MEIS2: variants seen among roughly 807,000 people sequenced by gnomAD.
The protein encoded by MEIS2 is Meis homeobox 2.
In MEIS2, 9 loss-of-function variants were observed where a neutral mutation model predicts 58.6. That is an observed-to-expected ratio of 0.15 (90% confidence interval 0.09 to 0.27). The LOEUF (loss-of-function observed/expected upper bound fraction) is 0.27. Ranked by LOEUF, MEIS2 falls within the 10% of genes least tolerant of loss-of-function variation. The probability of loss-of-function intolerance (pLI) is 1.00; values close to 1 mark genes in which losing one functional copy is unlikely to be tolerated. For missense variants in MEIS2, 427 were observed against 635.0 expected (o/e 0.67, Z 3.52); for synonymous variants, 221 against 228.4 (o/e 0.97, Z 0.29).
At chr15:37,029,444 T>A (rs2061828527) in intron 8 of MEIS2, among the ~76,000 whole-genome samples, 1 of 152,168 alleles carries the variant, frequency 6.6e-6, no homozygotes, top group Non-Finnish European at 1.5e-5. Context: ...CAGAAATAAC[T>A]AATGTCCATG....
intron 6 of MEIS2, among the ~76,000 whole-genome samples, chr15:37,089,092 C>T (rs1893224246): frequency 6.7e-6 from 1 of 148,842 alleles, no homozygotes; most frequent in Non-Finnish European, 1.5e-5. Context: ...CACGCAGCAG[C>T]AACACAACAG....
At chr15:36,963,114 C>T (rs957328680) in intron 8 of MEIS2, among the ~76,000 whole-genome samples, 3 of 152,118 alleles carry the variant, frequency 2.0e-5, no homozygotes, top group Non-Finnish European at 4.4e-5. Flanking sequence ...GTGGCTCACG[C>T]CTGTAATCCC....
Position 37,100,518 on chromosome 15 carries a change from G to C in MEIS2, c.-1052C>G. 1 of 145,046 alleles carries C rather than the reference G, an allele frequency of 6.9e-6. No individual in the cohort carries two copies. Among genetic ancestry groups the C allele is most frequent in the Non-Finnish European group, 1.5e-5 (1 of 65,878 alleles). The allele number at this position is 145,046 out of a possible 1,614,324, so 9.0% of individuals were successfully genotyped here. A position where few individuals can be genotyped will look rare whatever the true frequency, so the allele number is the denominator to read the frequency against. The stretch of plus-strand genomic sequence containing the variant: ...GGGGAGCGGGAGCGAGGAGGAGCGC[G>C]CCGCGCCGAGCCTCTGATATGCAAC... On this transcript the variant is annotated 5_prime_UTR_variant, in exon 1 of 12. Transcript: ENST00000561208.
chr15:37,009,157 C>T (rs569078475), intron 8 of MEIS2, among the ~76,000 whole-genome samples: 10 of 152,188 alleles, frequency 6.6e-5, no homozygotes, highest in South Asian at 2.1e-4. Flanking sequence ...GGCGTGGTGG[C>T]GGGCGCCTAT....
At chr15:37,093,908 G>A in intron 5 of MEIS2, 178 bp from the exon 6 acceptor site, 1 of 701,400 alleles carries the variant, frequency 1.4e-6, no homozygotes, top group Non-Finnish European at 2.4e-6. Context: ...GGAAACAATA[G>A]AGTAATTGTT....
intron 8 of MEIS2, among the ~76,000 whole-genome samples, chr15:36,995,706 T>TAAAAAAAAAAAAAAAAA (rs71821151): frequency 7.3e-4 from 3 of 4,122 alleles, no homozygotes; most frequent in African/African-American, 1.1e-3. Flanking sequence ...TTACAGCTAC[T>TAAAAAAAAAAAAAAAAA]AAAAAAAAAA....
intron 8 of MEIS2, among the ~76,000 whole-genome samples, chr15:37,007,994 G>A (rs1357066655): frequency 2.6e-5 from 4 of 152,140 alleles, no homozygotes; most frequent in East Asian, 1.9e-4. Context: ...AGGCTGAAAC[G>A]TCTGCTATCA....
chr15:36,958,649 A>G (rs1464105478), intron 8 of MEIS2, among the ~76,000 whole-genome samples: 1 of 152,238 alleles, frequency 6.6e-6, no homozygotes, highest in Non-Finnish European at 1.5e-5. Flanking sequence ...GAGACTTTAA[A>G]GCTGAGCACA....
At chr15:36,897,909 A>T (rs146095383) in intron 9 of MEIS2, 57 of 152,376 alleles carry the variant, frequency 3.7e-4, no homozygotes, top group African/African-American at 1.3e-3. Context: ...GTGTGCTGGC[A>T]GCTCTGTGTT....
At chr15:36,949,304 A>G (rs1466108694) in intron 9 of MEIS2, among the ~76,000 whole-genome samples, 1 of 151,992 alleles carries the variant, frequency 6.6e-6, no homozygotes, top group Non-Finnish European at 1.5e-5. Flanking sequence ...GAATCACAGA[A>G]CCACAAAATC....
At chr15:36,958,907 A>G (rs928637616) in intron 8 of MEIS2, among the ~76,000 whole-genome samples, 1 of 152,186 alleles carries the variant, frequency 6.6e-6, no homozygotes, top group African/African-American at 2.4e-5. Flanking sequence ...CTACGGCCAG[A>G]CTACTTTTCC....
intron 7 of MEIS2, among the ~76,000 whole-genome samples, chr15:37,068,402 T>C (rs1030255979): frequency 6.6e-6 from 1 of 152,212 alleles, no homozygotes; most frequent in Non-Finnish European, 1.5e-5. Flanking sequence ...CAACAAATTT[T>C]GGGAGTGCTA....
intron 8 of MEIS2, among the ~76,000 whole-genome samples, chr15:36,976,527 T>C (rs1486348538): frequency 6.7e-6 from 1 of 149,454 alleles, no homozygotes; most frequent in African/African-American, 2.4e-5. Flanking sequence ...TACTTATACA[T>C]ATATATCATT....
At chr15:37,036,578 C>T (rs1247587113) in intron 8 of MEIS2, 10 of 409,396 alleles carry the variant, frequency 2.4e-5, no homozygotes, top group Non-Finnish European at 3.9e-5. Context: ...GGTCTTAGAT[C>T]ATTTTAAATA....
chr15:36,952,774 A>G (rs2058808583), intron 8 of MEIS2, among the ~76,000 whole-genome samples: 1 of 152,116 alleles, frequency 6.6e-6, no homozygotes, highest in African/African-American at 2.4e-5. Context: ...TAAATTTTGT[A>G]AATTCTGATT....
At chr15:37,052,399 C>G (rs1471957027) in intron 7 of MEIS2, among the ~76,000 whole-genome samples, 2 of 152,186 alleles carry the variant, frequency 1.3e-5, no homozygotes, top group South Asian at 2.1e-4. Flanking sequence ...GGTTAAGAAA[C>G]TCGCCTAAAG....
intron 9 of MEIS2, among the ~76,000 whole-genome samples, chr15:36,924,865 G>A (rs16954358): frequency 0.069 from 10,489 of 152,284 alleles, 526 homozygotes; most frequent in African/African-American, 0.14. Context: ...TGCAAACGGA[G>A]ATACAGTTAT....
chr15:37,043,937 C>T (rs909548461), intron 7 of MEIS2, among the ~76,000 whole-genome samples: 9 of 152,072 alleles, frequency 5.9e-5, no homozygotes, highest in East Asian at 1.9e-4. Context: ...CTGCCCACCT[C>T]GGCCTCCCAA....
At chr15:37,057,871 GAGTT>G (rs1888650471) in intron 7 of MEIS2, among the ~76,000 whole-genome samples, 1 of 152,116 alleles carries the variant, frequency 6.6e-6, no homozygotes, top group Non-Finnish European at 1.5e-5. Context: ...TGGCATCAGA[GAGTT>G]AGAGAACGCC....
Sources: gnomAD v4.1 joint callset for allele counts (sites outside exome capture counted in the v4.1 genomes callset) on GRCh38, gnomAD v4.1.1 for gene constraint, MANE v1.5 for transcripts, NCBI Gene and HGNC (gene_info 2026-07-23, HGNC 2026-07-21) for gene names.